DLGAP4: variants seen among roughly 807,000 people sequenced by gnomAD.
DLGAP4 encodes the protein DLG associated protein 4.
DLGAP4 carries 18 observed loss-of-function variants against 86.9 expected under a neutral mutation model. The observed-to-expected ratio is 0.21, with a 90% confidence interval of 0.14 to 0.31. The LOEUF (loss-of-function observed/expected upper bound fraction) is 0.31, where lower values mean the gene tolerates loss of function less well. Ranked by LOEUF, DLGAP4 falls within the 10% of genes least tolerant of loss-of-function variation. The probability of loss-of-function intolerance (pLI) is 1.00; values close to 1 mark genes in which losing one functional copy is unlikely to be tolerated. For synonymous variants in DLGAP4, 548 were observed against 574.3 expected (o/e 0.95, Z 0.65); for missense variants, 1,085 against 1,362.6 (o/e 0.80, Z 3.21).
chr20:36,357,750 T>C (rs2030377954), intron 1 of DLGAP4, among the ~76,000 whole-genome samples: 1 of 152,156 alleles, frequency 6.6e-6, no homozygotes, highest in Non-Finnish European at 1.5e-5. Flanking sequence ...TGGCAGGCCC[T>C]GAGAGTGCGG....
At chr20:36,324,990 G>T (rs557344998) in intron 1 of DLGAP4, among the ~76,000 whole-genome samples, 3 of 151,748 alleles carry the variant, frequency 2.0e-5, no homozygotes, top group Non-Finnish European at 4.4e-5. Context: ...CTCCCACTTA[G>T]TTCAGGGTTA....
intron 2 of DLGAP4, among the ~76,000 whole-genome samples, chr20:36,429,398 CTTTTTTT>C (rs151254062): frequency 9.2e-5 from 7 of 76,048 alleles, no homozygotes; most frequent in Admixed American, 1.8e-4. Flanking sequence ...TTCTTTTTTT[CTTTTTTT>C]TTTTTTTTTT....
chr20:36,463,964 C>G (rs763837835), intron 7 of DLGAP4, among the ~76,000 whole-genome samples: 5 of 152,222 alleles, frequency 3.3e-5, no homozygotes, highest in African/African-American at 4.8e-5. Context: ...GGGTCCTGTT[C>G]CATGGCACTG....
intron 10 of DLGAP4, among the ~76,000 whole-genome samples, chr20:36,521,919 G>C (rs913326518): frequency 2.0e-5 from 3 of 152,096 alleles, no homozygotes; most frequent in Non-Finnish European, 4.4e-5. Flanking sequence ...ATTTCTTAAT[G>C]AGGTGAATTC....
In DLGAP4 at chr20:36,467,063, T is replaced by TCCCC. The variant is rs562510099; in HGVS notation, c.1648+20132_1648+20135dup. Among the ~76,000 whole-genome samples the TCCCC allele has an allele frequency of 1.0e-3, 40 of 39,376 alleles. 1 individual carries two copies. Among genetic ancestry groups the TCCCC allele is most frequent in the African/African-American group, 4.9e-3 (40 of 8,210 alleles). The allele number at this position is 39,376 out of a possible 152,430, so 25.8% of individuals were successfully genotyped here. On this transcript the variant is annotated intron_variant, in intron 7 of 12. Coordinates refer to ENST00000339266, the MANE Select transcript of DLGAP4 (RefSeq NM_001365621.2). ...CTCTCTCTCTCTCTCTCTCTCTCTCTCCCCCCCCCTTCTCTCGGCCCTGCC... is the reference window on the plus strand; with the variant it reads ...CTCTCTCTCTCTCTCTCTCTCTCTCTCCCCCCCCCCCCCTTCTCTCGGCCCTGCC...
At chr20:36,470,503 T>G (rs991286302) in intron 7 of DLGAP4, among the ~76,000 whole-genome samples, 3 of 152,078 alleles carry the variant, frequency 2.0e-5, no homozygotes, top group Admixed American at 2.0e-4. Context: ...GAGGTTTTTT[T>G]TGTGTGTAAA....
At position 36,350,896 on chromosome 20, in the gene DLGAP4, A is replaced by G. The variant is rs1200512540; in HGVS notation, c.-303-16149A>G. On this transcript the variant is annotated intron_variant, in intron 1 of 12. Coordinates refer to ENST00000339266, the MANE Select transcript of DLGAP4 (RefSeq NM_001365621.2). This position sits in a 1 kb window ranked among gnomAD's most constrained non-coding sequence, Gnocchi z 4.4. Reference sequence around the variant, plus strand: ...GGAGGGCTGTCCCTGCCAGCACCACAAGCCCCTCACTCTGGAATCCCAAAG... The same window carrying G: ...GGAGGGCTGTCCCTGCCAGCACCACGAGCCCCTCACTCTGGAATCCCAAAG... 6.6e-6 allele frequency among the ~76,000 whole-genome samples: 1 copy of G among 152,210 alleles called. No individual in the cohort carries two copies. Among genetic ancestry groups the G allele is most frequent in the African/African-American group, 2.4e-5 (1 of 41,446 alleles).
chr20:36,467,070 C>T (rs541227676), intron 7 of DLGAP4, among the ~76,000 whole-genome samples: 25 of 137,210 alleles, frequency 1.8e-4, no homozygotes, highest in East Asian at 6.7e-4. Flanking sequence ...CTCTCCCCCC[C>T]CCTTCTCTCG....
At chr20:36,360,404 C>A (rs1285462068) in intron 1 of DLGAP4, among the ~76,000 whole-genome samples, 13 of 152,306 alleles carry the variant, frequency 8.5e-5, no homozygotes, top group Admixed American at 7.8e-4. Context: ...CTCAGACATC[C>A]CAGGTGTCTC....
At chr20:36,429,323 C>G (rs1248808172) in intron 2 of DLGAP4, among the ~76,000 whole-genome samples, 3 of 151,616 alleles carry the variant, frequency 2.0e-5, no homozygotes, top group African/African-American at 7.3e-5. Context: ...AGTGATCTGC[C>G]CTGCCTTGGC....
At chr20:36,377,238 T>C (rs1355356432) in intron 2 of DLGAP4, among the ~76,000 whole-genome samples, 1 of 152,172 alleles carries the variant, frequency 6.6e-6, no homozygotes, top group Non-Finnish European at 1.5e-5. Flanking sequence ...AGCGATCTCC[T>C]CATCACTGAG....
rs951368858 is a variant in DLGAP4, at chr20:36,473,404, G to A, written c.1649-23301G>A. ...AGATTCCTCATTTGTTTGTCAGCAG[G>A]AGGGAGCTCCTTCTATCTCTGCTAT... On this transcript the variant is annotated intron_variant, in intron 7 of 12. Coordinates refer to ENST00000339266, the MANE Select transcript of DLGAP4 (RefSeq NM_001365621.2). Among the ~76,000 whole-genome samples the A allele has an allele frequency of 2.6e-5, 4 of 152,256 alleles. No homozygotes were observed. In the East Asian group the frequency reaches 5.8e-4, roughly 22 times the overall value.
chr20:36,401,307 T>C (rs1408695877), intron 2 of DLGAP4, among the ~76,000 whole-genome samples: 1 of 152,222 alleles, frequency 6.6e-6, no homozygotes, highest in African/African-American at 2.4e-5. Flanking sequence ...AAATATTTTA[T>C]TCCATTCCAA....
At chr20:36,318,004 T>C (rs2065125778) in intron 1 of DLGAP4, among the ~76,000 whole-genome samples, 2 of 152,058 alleles carry the variant, frequency 1.3e-5, no homozygotes, top group Non-Finnish European at 2.9e-5. Flanking sequence ...CCAGCCTCTA[T>C]TCTACCCTGA....
chr20:36,467,848 A>G (rs1442757356), intron 7 of DLGAP4, among the ~76,000 whole-genome samples: 4 of 152,232 alleles, frequency 2.6e-5, no homozygotes, highest in Non-Finnish European at 4.4e-5. Context: ...AAGGGCGCTC[A>G]TGAAATCTGT....
At chr20:36,430,165 C>G (rs190374366) in intron 2 of DLGAP4, among the ~76,000 whole-genome samples, 3 of 152,332 alleles carry the variant, frequency 2.0e-5, no homozygotes, top group Non-Finnish European at 4.4e-5. Context: ...CAGGATGTTC[C>G]CATTTTACAA....
intron 1 of DLGAP4, among the ~76,000 whole-genome samples, chr20:36,307,806 C>A (rs1214242510): frequency 2.0e-5 from 3 of 152,154 alleles, no homozygotes; most frequent in African/African-American, 7.2e-5. Flanking sequence ...CCTCTGAGCC[C>A]TCACTTGTGG....
At chr20:36,452,960 G>A (rs1220890352) in intron 7 of DLGAP4, among the ~76,000 whole-genome samples, 1 of 150,096 alleles carries the variant, frequency 6.7e-6, no homozygotes, top group East Asian at 2.0e-4. Context: ...AGCCTCCCAA[G>A]TATCTGGGAC....
At chr20:36,389,555 T>C (rs1368684470) in intron 2 of DLGAP4, among the ~76,000 whole-genome samples, 3 of 152,210 alleles carry the variant, frequency 2.0e-5, no homozygotes, top group African/African-American at 7.2e-5. Flanking sequence ...GTAATTATCA[T>C]TTTTAGCTGT....
Sources: gnomAD v4.1 joint callset for allele counts (sites outside exome capture counted in the v4.1 genomes callset) on GRCh38, gnomAD v4.1.1 for gene constraint, Gnocchi (gnomAD v3.1) non-coding constraint, MANE v1.5 for transcripts, NCBI Gene and HGNC (gene_info 2026-07-23, HGNC 2026-07-21) for gene names.